Variants in TGFBRAP1 observed in about 807,000 individuals in gnomAD.
The protein encoded by TGFBRAP1 is transforming growth factor-beta receptor-associated protein 1.
A neutral mutation model predicts 83.2 loss-of-function variants in TGFBRAP1; 20 were observed. That is an observed-to-expected ratio of 0.24 (90% confidence interval 0.17 to 0.35). TGFBRAP1 has a LOEUF of 0.35. Among genes scored for constraint, TGFBRAP1 ranks in the 10% least tolerant of loss-of-function variants. The pLI is 1.00. For missense variants in TGFBRAP1, 950 were observed against 1,099.4 expected (o/e 0.86, Z 1.92); for synonymous variants, 415 against 459.8 (o/e 0.90, Z 1.25).
rs1371715991 is a variant in TGFBRAP1 at position 105,273,455 on chromosome 2, C to T, written c.1812+89G>A. The T allele has an allele frequency of 7.1e-6, 11 of 1,544,068 alleles. No individual in the cohort carries two copies. The East Asian group carries it at 1.4e-4, about 19-fold the overall frequency. On this transcript the variant is annotated intron_variant, in intron 9 of 11. Transcript: ENST00000393359. Reference sequence around the variant, plus strand: ...ACGGATGGATCACCCAGGGAACAGACATTACACAGAATCACATGCCAAAAA... The same window carrying T: ...ACGGATGGATCACCCAGGGAACAGATATTACACAGAATCACATGCCAAAAA...
Position 105,277,631 on chromosome 2 carries a change from C to T in TGFBRAP1, c.1504G>A (p.Asp502Asn), listed in dbSNP as rs756793241. 4.8e-5 allele frequency: 78 copies of T among 1,613,962 alleles called. No homozygotes were observed. The highest frequency in any genetic ancestry group is 6.4e-5 in the Non-Finnish European group (76 of 1,180,006). Residue 502 changes from aspartate to asparagine, a missense_variant, in exon 7 of 12, where the codon GAT (aspartate) becomes AAT (asparagine). Asp to Asn is a conservative substitution (Grantham distance 23). Coordinates refer to ENST00000393359, the MANE Select transcript of TGFBRAP1 (RefSeq NM_004257.6). ...LGLLYHYNNQ[D>N]AAAVQLWVNI... ...AGACTCACCTGAACTGCAGCAGCAT[C>T]TTGGTTATTATAATGATAGAGCAGT...
the TGFBRAP1 span, among the ~76,000 whole-genome samples, chr2:105,256,070 T>C: frequency 6.6e-6 from 1 of 152,312 alleles, no homozygotes; most frequent in East Asian, 1.9e-4. Flanking sequence ...GATGAGCTGA[T>C]TGGCTAAAAC....
At chr2:105,277,729 T>G (rs1677397220) in intron 6 of TGFBRAP1, 58 bp from the exon 7 acceptor site, 1 of 1,514,646 alleles carries the variant, frequency 6.6e-7, no homozygotes, top group Non-Finnish European at 9.2e-7. Context: ...GGAGGCGACC[T>G]TCACACAGTG....
intron 1 of TGFBRAP1, among the ~76,000 whole-genome samples, chr2:105,316,462 T>TGTGTGTGTGCGCGCGC (rs1177329674): frequency 3.2e-4 from 27 of 84,808 alleles, no homozygotes; most frequent in African/African-American, 1.2e-3. Flanking sequence ...TGTGTGTGTG[T>TGTGTGTGTGCGCGCGC]GCGCGCGCGC....
chr2:105,285,552 C>G (rs533201709), intron 4 of TGFBRAP1, among the ~76,000 whole-genome samples: 2 of 152,224 alleles, frequency 1.3e-5, no homozygotes, highest in African/African-American at 4.8e-5. Flanking sequence ...TCCAGGTACA[C>G]AGCAGGCAGC....
chr2:105,316,354 AT>A (rs1678854152), intron 1 of TGFBRAP1, among the ~76,000 whole-genome samples: 2 of 150,700 alleles, frequency 1.3e-5, no homozygotes, highest in African/African-American at 4.9e-5. Flanking sequence ...AAAAAAAAAA[AT>A]TCCCCTACCT....
At chr2:105,272,629 T>C (rs181422560) in intron 10 of TGFBRAP1, among the ~76,000 whole-genome samples, 1 of 152,008 alleles carries the variant, frequency 6.6e-6, no homozygotes, top group Admixed American at 6.5e-5. Flanking sequence ...CCCAGCACCT[T>C]AGGAGGCAGA....
At position 105,269,138 on chromosome 2, in the gene TGFBRAP1, A is replaced by T; in HGVS notation, c.2406+134T>A. On this transcript the variant is annotated intron_variant, in intron 11 of 11. Transcript: ENST00000393359. This position sits in a 1 kb window ranked among gnomAD's most constrained non-coding sequence, Gnocchi z 4.1. ...ACAGACCTCAGTTTCTATGAGTAGG[A>T]TCAGATATTGATGTGTTGTAGTCAT... 1 of 1,159,624 alleles carries T rather than the reference A, an allele frequency of 8.6e-7. No homozygotes were observed. Among genetic ancestry groups the T allele is most frequent in the Non-Finnish European group, 1.2e-6 (1 of 849,486 alleles). 71.8% of individuals were successfully genotyped at this position (1,159,624 alleles called of 1,614,324 possible).
Position 105,308,264 on chromosome 2 carries a change from A to G in TGFBRAP1, c.38T>C (p.Val13Ala). 1 of 1,614,028 alleles carries G rather than the reference A, an allele frequency of 6.2e-7. No homozygotes were observed. The highest frequency in any genetic ancestry group is 1.1e-5 in the South Asian group (1 of 91,074). The change falls in exon 2 of 12, where the codon GTG (valine) becomes GCG (alanine). Residue 13 changes from valine to alanine, a missense_variant. Coordinates refer to ENST00000393359, the MANE Select transcript of TGFBRAP1 (RefSeq NM_004257.6). ...SIKAFTLVSA[V>A]ERELLMGDKE... ...GTCGCCCATCAGCAGCTCCCGCTCC[A>G]CAGCAGAGACAAGCGTAAAGGCTTT...
intron 1 of TGFBRAP1, among the ~76,000 whole-genome samples, chr2:105,310,690 T>A (rs1678661804): frequency 6.6e-6 from 1 of 152,176 alleles, no homozygotes. Context: ...ACATCATGTA[T>A]TTGTCCCAAC....
intron 2 of TGFBRAP1, among the ~76,000 whole-genome samples, chr2:105,306,378 G>A (rs1332405743): frequency 6.6e-6 from 1 of 152,054 alleles, no homozygotes; most frequent in African/African-American, 2.4e-5. Context: ...TATTTTTGTA[G>A]TTATTTACTT....
the TGFBRAP1 span, among the ~76,000 whole-genome samples, chr2:105,258,124 A>C: frequency 6.6e-6 from 1 of 152,214 alleles, no homozygotes; most frequent in Non-Finnish European, 1.5e-5. Context: ...AGTTGCATGA[A>C]CATGATCATA....
intron 8 of TGFBRAP1, 133 bp from the exon 9 acceptor site, chr2:105,273,823 C>G: frequency 8.8e-7 from 1 of 1,137,644 alleles, no homozygotes; most frequent in South Asian, 1.7e-5. Flanking sequence ...TATGTATGCA[C>G]AGCTTTTTGT....
At chr2:105,262,279 G>A (rs2679839), downstream of TGFBRAP1, among the ~76,000 whole-genome samples, 23,447 of 152,094 alleles carry the variant, frequency 0.15, 2,268 homozygotes, top group South Asian at 0.24. Context: ...AATCCCTCAC[G>A]AATTACCTCC....
chr2:105,308,919 G>A (rs1007244607), intron 1 of TGFBRAP1, among the ~76,000 whole-genome samples: 1 of 152,172 alleles, frequency 6.6e-6, no homozygotes, highest in African/African-American at 2.4e-5. Context: ...GCCAGGCCTT[G>A]GATTCCTTTG....
intron 1 of TGFBRAP1, among the ~76,000 whole-genome samples, chr2:105,324,871 T>C (rs932035273): frequency 6.6e-6 from 1 of 152,158 alleles, no homozygotes; most frequent in African/African-American, 2.4e-5. Context: ...ACCCCGGCAG[T>C]GAACTGTGGT....
chr2:105,315,414 G>A (rs1327413170), intron 1 of TGFBRAP1, among the ~76,000 whole-genome samples: 2 of 152,198 alleles, frequency 1.3e-5, no homozygotes, highest in East Asian at 3.9e-4. Context: ...ATTAAGACAT[G>A]AGGATAGACC....
intron 1 of TGFBRAP1, among the ~76,000 whole-genome samples, chr2:105,317,860 A>G (rs1201511095): frequency 2.6e-5 from 4 of 152,312 alleles, no homozygotes; most frequent in Middle Eastern, 6.8e-3. Context: ...GGAAACATGA[A>G]TATCCAATAA....
Position 105,277,615 on chromosome 2 carries a change from T to C in TGFBRAP1, c.1520A>G (p.Gln507Arg). The change falls in exon 7 of 12, where the codon CAG (glutamine) becomes CGG (arginine). Residue 507 changes from glutamine (Q) to arginine (R), a missense_variant and splice_region_variant. Physicochemically the swap from Gln to Arg is conservative, Grantham distance 43. Transcript: ENST00000393359. ...HYNNQDAAAVQLWVNIVNGDV... is the reference protein window; with the variant it reads ...HYNNQDAAAVRLWVNIVNGDV... ...ATGTGGAAACCCTTCTAGACTCACC[T>C]GAACTGCAGCAGCATCTTGGTTATT... is the stretch of plus-strand genomic sequence containing the variant. 6.2e-7 allele frequency: 1 copy of C among 1,614,162 alleles called. No homozygotes were observed. Among genetic ancestry groups the C allele is most frequent in the South Asian group, 1.1e-5 (1 of 91,084 alleles).
Sources: gnomAD v4.1 joint callset for allele counts (sites outside exome capture counted in the v4.1 genomes callset) on GRCh38, gnomAD v4.1.1 for gene constraint, Gnocchi (gnomAD v3.1) non-coding constraint, MANE v1.5 for transcripts, NCBI Gene and HGNC (gene_info 2026-07-23, HGNC 2026-07-21) for gene names.